Variants in CCDC102B observed in about 807,000 individuals in gnomAD.
CCDC102B encodes the protein coiled-coil domain containing 102B, also known as coiled-coil domain-containing protein 102B.
CCDC102B carries 75 observed loss-of-function variants against 57.4 expected under a neutral mutation model. The ratio of observed to expected loss-of-function variants is 1.31; its 90% confidence interval spans 1.08 to 1.58. The LOEUF (loss-of-function observed/expected upper bound fraction) is 1.58. CCDC102B is among the 40% of genes most tolerant of loss of function. The pLI, the probability that CCDC102B is intolerant of heterozygous loss-of-function variation, is 0.00. For missense variants in CCDC102B, 636 were observed against 582.6 expected (o/e 1.09, Z -0.94); for synonymous variants, 206 against 201.9 (o/e 1.02, Z -0.17).
intron 7 of CCDC102B, among the ~76,000 whole-genome samples, chr18:69,043,006 C>T (rs1259996297): frequency 6.6e-6 from 1 of 152,114 alleles, no homozygotes; most frequent in Non-Finnish European, 1.5e-5. Flanking sequence ...CCGCCAGCCT[C>T]TGAGTTCCCT....
intron 5 of CCDC102B, among the ~76,000 whole-genome samples, chr18:68,892,525 C>A (rs188212667): frequency 6.6e-6 from 1 of 152,264 alleles, no homozygotes; most frequent in Non-Finnish European, 1.5e-5. Flanking sequence ...GTCTAAGCCT[C>A]TTTATTGTGT....
At chr18:68,793,588 A>ACT (rs2035534144), upstream of CCDC102B, among the ~76,000 whole-genome samples, 2 of 131,254 alleles carry the variant, frequency 1.5e-5, no homozygotes, top group Admixed American at 8.1e-5. Context: ...ATGTTCATAG[A>ACT]ATATCCATCC....
At chr18:69,049,118 G>A (rs1363752874) in intron 7 of CCDC102B, among the ~76,000 whole-genome samples, 1 of 151,528 alleles carries the variant, frequency 6.6e-6, no homozygotes, top group Non-Finnish European at 1.5e-5. Context: ...GTATACACGT[G>A]CTATGGTGGT....
intron 2 of CCDC102B, among the ~76,000 whole-genome samples, chr18:68,720,098 A>G (rs1339486626): frequency 6.6e-6 from 1 of 152,250 alleles, no homozygotes; most frequent in Non-Finnish European, 1.5e-5. Flanking sequence ...ATTTAAATAA[A>G]TGGAATAAAA....
At chr18:68,865,279 A>C (rs75159696) in intron 4 of CCDC102B, among the ~76,000 whole-genome samples, 4,610 of 152,208 alleles carry the variant, frequency 0.03, 224 homozygotes, top group African/African-American at 0.1. Context: ...TCGCAAATAG[A>C]TGCTGATCTT....
At chr18:69,033,040 A>G (rs1377552861) in intron 7 of CCDC102B, among the ~76,000 whole-genome samples, 1 of 152,154 alleles carries the variant, frequency 6.6e-6, no homozygotes, top group Non-Finnish European at 1.5e-5. Context: ...CCACTTATCA[A>G]ATCAATTTTT....
intron 1 of CCDC102B, among the ~76,000 whole-genome samples, chr18:68,811,033 CT>C (rs1415889096): frequency 3.3e-5 from 5 of 152,012 alleles, no homozygotes; most frequent in Admixed American, 1.3e-4. Flanking sequence ...TGAACTCAAC[CT>C]TTTTTATGGC....
chr18:69,002,299 G>A lies in CCDC102B; in HGVS notation c.1264-8635G>A, dbSNP rs1029382178. ...TACAAGTGTATATTTTGATACAATT[G>A]TAGAGGCAGAAAAAAGAGGGCATGG... On this transcript the variant is annotated intron_variant, in intron 6 of 7. Transcript: ENST00000360242. 2.6e-5 allele frequency among the ~76,000 whole-genome samples: 4 copies of A among 152,294 alleles called. No individual in the cohort carries two copies. In the East Asian group the frequency reaches 7.7e-4, roughly 29 times the overall value.
intron 3 of CCDC102B, among the ~76,000 whole-genome samples, chr18:68,841,023 C>T (rs1030879315): frequency 1.3e-5 from 2 of 152,156 alleles, no homozygotes; most frequent in African/African-American, 4.8e-5. Flanking sequence ...ATCCCACGGA[C>T]GTGATGAGTC....
intron 5 of CCDC102B, among the ~76,000 whole-genome samples, chr18:68,884,627 T>C (rs1273170836): frequency 2.0e-5 from 3 of 150,764 alleles, no homozygotes; most frequent in Non-Finnish European, 4.4e-5. Flanking sequence ...CACATCTCCA[T>C]CATATATACA....
chr18:69,025,893 G>T, intron 7 of CCDC102B, among the ~76,000 whole-genome samples: 1 of 152,134 alleles, frequency 6.6e-6, no homozygotes, highest in Non-Finnish European at 1.5e-5. Flanking sequence ...ATGCTGGGGT[G>T]GAGGTAAATC....
chr18:68,828,026 A>G (rs1359540483), intron 1 of CCDC102B, among the ~76,000 whole-genome samples: 1 of 151,944 alleles, frequency 6.6e-6, no homozygotes, highest in Non-Finnish European at 1.5e-5. Context: ...AGGAAGACAT[A>G]ATGATCCTAT....
intron 2 of CCDC102B, among the ~76,000 whole-genome samples, chr18:68,732,794 A>G (rs984250571): frequency 5.9e-5 from 9 of 152,138 alleles, no homozygotes; most frequent in African/African-American, 1.9e-4. Context: ...TCCCAGATCT[A>G]TGTATTAAAA....
chr18:69,030,035 T>C (rs950705064), intron 7 of CCDC102B, among the ~76,000 whole-genome samples: 1 of 151,968 alleles, frequency 6.6e-6, no homozygotes, highest in African/African-American at 2.4e-5. Flanking sequence ...TTATTCTGTT[T>C]ATTATTTAGT....
chr18:68,814,057 A>G (rs2036383182), intron 1 of CCDC102B, among the ~76,000 whole-genome samples: 1 of 152,104 alleles, frequency 6.6e-6, no homozygotes, highest in African/African-American at 2.4e-5. Flanking sequence ...ATTAGTAGGA[A>G]AAAATGAGAA....
chr18:68,826,177 G>A (rs2036895721), intron 1 of CCDC102B, among the ~76,000 whole-genome samples: 2 of 152,220 alleles, frequency 1.3e-5, no homozygotes, highest in South Asian at 2.1e-4. Context: ...TATAGTTTCT[G>A]TGGAATACAT....
intron 2 of CCDC102B, among the ~76,000 whole-genome samples, chr18:68,733,318 G>A (rs751224262): frequency 9.8e-4 from 149 of 151,836 alleles, no homozygotes; most frequent in Non-Finnish European, 1.8e-3. Context: ...AAATGTCATC[G>A]CATCTTGGTT....
chr18:69,056,650 TA>T (rs1217448140), downstream of CCDC102B, among the ~76,000 whole-genome samples: 63 of 151,196 alleles, frequency 4.2e-4, no homozygotes, highest in African/African-American at 9.7e-4. Flanking sequence ...GATAGATAGA[TA>T]GATAGATAGA....
At chr18:68,720,709 C>T (rs914250092) in intron 2 of CCDC102B, among the ~76,000 whole-genome samples, 1 of 150,810 alleles carries the variant, frequency 6.6e-6, no homozygotes, top group African/African-American at 2.5e-5. Context: ...CTACATGAAG[C>T]CCGGTGAGTC....
Sources: allele counts gnomAD v4.1 joint callset (sites outside exome capture counted in the v4.1 genomes callset), GRCh38; gene constraint gnomAD v4.1.1; transcripts MANE v1.5; gene names NCBI Gene and HGNC (gene_info 2026-07-23, HGNC 2026-07-21).